The following ACVR2A variants were observed in gnomAD, a reference collection of about 807,000 sequenced individuals.
The protein encoded by ACVR2A is activin receptor type-2A.
A neutral mutation model predicts 61.4 loss-of-function variants in ACVR2A; 7 were observed. That is an observed-to-expected ratio of 0.11 (90% CI 0.06 to 0.21). The LOEUF (loss-of-function observed/expected upper bound fraction) is 0.21. Among genes scored for constraint, ACVR2A ranks in the 10% least tolerant of loss-of-function variants. The pLI, the probability that ACVR2A is intolerant of heterozygous loss-of-function variation, is 1.00. For synonymous variants in ACVR2A, 193 were observed against 208.3 expected (o/e 0.93, Z 0.63); for missense variants, 322 against 621.7 (o/e 0.52, Z 5.13).
intron 9 of ACVR2A, 35 bp downstream of exon 9, chr2:147,923,146 A>G (rs1473982317): frequency 1.9e-6 from 3 of 1,588,412 alleles, no homozygotes; most frequent in African/African-American, 2.7e-5. Context: ...AAAGATATAT[A>G]TGCCTACCAC....
At chr2:147,880,390 T>G (rs1686272174) in intron 1 of ACVR2A, among the ~76,000 whole-genome samples, 1 of 152,142 alleles carries the variant, frequency 6.6e-6, no homozygotes, top group South Asian at 2.1e-4. Context: ...TTTTTATATT[T>G]CTTTATTAAT....
At chr2:147,885,680 A>C (rs1318883649) in intron 1 of ACVR2A, among the ~76,000 whole-genome samples, 2 of 152,162 alleles carry the variant, frequency 1.3e-5, no homozygotes, top group Admixed American at 1.3e-4. Context: ...AATGGAAGTA[A>C]AGATTATTCA....
chr2:147,904,830 C>T (rs1686949444), intron 4 of ACVR2A, among the ~76,000 whole-genome samples: 1 of 152,022 alleles, frequency 6.6e-6, no homozygotes, highest in African/African-American at 2.4e-5. Context: ...GAAGAGTATA[C>T]TGCTTCCTTA....
At position 147,926,080 on chromosome 2, in the gene ACVR2A, T is replaced by C. The variant is rs1475004338; in HGVS notation, c.1266T>C (p.His422=). Residue 422 remains histidine, a synonymous_variant, in exon 10 of 11, where the codon CAT becomes CAC. Coordinates refer to ENST00000241416, the MANE Select transcript of ACVR2A (RefSeq NM_001616.5). ...MLPFEEEIGQ[H]PSLEDMQEVV... is the part of the protein sequence containing the mutation. ...CATTTGAGGAGGAAATTGGCCAGCA[T>C]CCATCTCTTGAAGACATGCAGGAAG... is the stretch of plus-strand genomic sequence containing the variant. 2.9e-5 allele frequency: 46 copies of C among 1,612,002 alleles called. No individual in the cohort carries two copies. The highest frequency in any genetic ancestry group is 3.6e-5 in the Non-Finnish European group (43 of 1,178,720).
intron 1 of ACVR2A, among the ~76,000 whole-genome samples, chr2:147,893,225 A>C (rs185956759): frequency 1.3e-5 from 2 of 152,204 alleles, no homozygotes; most frequent in East Asian, 3.9e-4. Context: ...ATTTTGTTGT[A>C]GGTATCACTA....
chr2:147,899,729 C>A lies in ACVR2A; in HGVS notation c.374-15C>A. On this transcript the variant is annotated splice_polypyrimidine_tract_variant and intron_variant, in intron 3 of 10. Transcript: ENST00000241416. ...TAGACCAAATCTGAGTTATTTTTCC[C>A]CCCCTTTTCCACAGCCACTTCAAAT... The A allele has an allele frequency of 6.2e-7, 1 of 1,610,032 alleles. No individual in the cohort carries two copies. The highest frequency in any genetic ancestry group is 8.5e-7 in the Non-Finnish European group (1 of 1,178,030).
Position 147,899,776 on chromosome 2 carries a change from T to A in ACVR2A, c.406T>A (p.Tyr136Asn). The change falls in exon 4 of 11, where the codon TAT (tyrosine) becomes AAT (asparagine). Residue 136 changes from tyrosine (Y) to asparagine (N), a missense_variant. Transcript: ENST00000241416. ...TSNPVTPKPP[Y>N]YNILLYSLVP... is the part of the protein sequence containing the mutation. Reference sequence around the variant, plus strand: ...AAATCCAGTTACACCTAAGCCACCCTATTACAACATCCTGCTCTATTCCTT... The same window carrying A: ...AAATCCAGTTACACCTAAGCCACCCAATTACAACATCCTGCTCTATTCCTT... The A allele has an allele frequency of 6.2e-7, 1 of 1,613,712 alleles. No individual in the cohort carries two copies. The highest frequency in any genetic ancestry group is 1.1e-5 in the South Asian group (1 of 91,042).
intron 1 of ACVR2A, among the ~76,000 whole-genome samples, chr2:147,875,906 A>G (rs1410868306): frequency 6.6e-6 from 1 of 152,124 alleles, no homozygotes; most frequent in Non-Finnish European, 1.5e-5. Flanking sequence ...CTCAAAGTTT[A>G]TACTTCTCAG....
chr2:147,899,371 T>C (rs1384507733), intron 2 of ACVR2A, 87 bp from the exon 3 acceptor site: 1 of 857,982 alleles, frequency 1.2e-6, no homozygotes, highest in East Asian at 3.0e-5. Context: ...ATGACTAATT[T>C]ATTATTTTAT....
intron 4 of ACVR2A, among the ~76,000 whole-genome samples, chr2:147,911,356 C>G (rs1474746390): frequency 1.3e-5 from 2 of 152,102 alleles, no homozygotes; most frequent in African/African-American, 4.8e-5. Context: ...TTACTTTCCT[C>G]TGTTTGTAAG....
chr2:147,921,097 G>A (rs1249836119), intron 8 of ACVR2A, among the ~76,000 whole-genome samples: 1 of 152,082 alleles, frequency 6.6e-6, no homozygotes, highest in Admixed American at 6.6e-5. Flanking sequence ...GCAGTGGCAT[G>A]ATCTTGGCTC....
At chr2:147,906,571 C>T (rs886252693) in intron 4 of ACVR2A, among the ~76,000 whole-genome samples, 1 of 152,108 alleles carries the variant, frequency 6.6e-6, no homozygotes, top group Non-Finnish European at 1.5e-5. Context: ...ATGTGGGTGC[C>T]TAGCTAATGC....
intron 1 of ACVR2A, among the ~76,000 whole-genome samples, chr2:147,861,961 GT>G (rs1006115964): frequency 6.6e-6 from 1 of 151,318 alleles, no homozygotes; most frequent in Non-Finnish European, 1.5e-5. Flanking sequence ...ATTTGAGCCT[GT>G]TTGAACTAGG....
At chr2:147,916,517 A>G (rs1573708009) in intron 5 of ACVR2A, among the ~76,000 whole-genome samples, 1 of 151,898 alleles carries the variant, frequency 6.6e-6, no homozygotes, top group African/African-American at 2.4e-5. Context: ...TAAGACAGAC[A>G]CTACAATGCC....
rs114219887 is a variant in ACVR2A, at chr2:147,866,344, C to T, written c.55+21137C>T. Among the ~76,000 whole-genome samples the T allele has an allele frequency of 3.7e-3, 566 of 152,176 alleles. 2 individuals are homozygous for T. Among genetic ancestry groups the T allele is most frequent in the East Asian group, 8.3e-3 (43 of 5,176 alleles). Reference sequence around the variant, plus strand: ...CTCCAGCTTTAATATGCATAGGAACCGCATGGAGATATTGTTAAAATGTAG... The same window carrying T: ...CTCCAGCTTTAATATGCATAGGAACTGCATGGAGATATTGTTAAAATGTAG... On this transcript the variant is annotated intron_variant, in intron 1 of 10. Coordinates refer to ENST00000241416, the MANE Select transcript of ACVR2A (RefSeq NM_001616.5).
intron 4 of ACVR2A, among the ~76,000 whole-genome samples, chr2:147,909,987 T>C (rs536897752): frequency 3.9e-5 from 6 of 152,326 alleles, no homozygotes; most frequent in African/African-American, 1.4e-4. Context: ...ATGTAGTTTA[T>C]ACATTGAGGA....
chr2:147,857,590 A>G (rs1459089269), intron 1 of ACVR2A, among the ~76,000 whole-genome samples: 4 of 151,860 alleles, frequency 2.6e-5, no homozygotes, highest in Non-Finnish European at 5.9e-5. Flanking sequence ...TTCAGATTCA[A>G]TGAAAGTAAT....
At chr2:147,854,674 T>C (rs929186681) in intron 1 of ACVR2A, among the ~76,000 whole-genome samples, 2 of 152,336 alleles carry the variant, frequency 1.3e-5, no homozygotes, top group East Asian at 1.9e-4. Context: ...AACTACATGC[T>C]AGACACTATG....
At position 147,899,914 on chromosome 2, in the gene ACVR2A, G is replaced by T. The variant is rs202062046; in HGVS notation, c.528+16G>T. ...TCCAACTCAAGTAAGTTATTGTCCT[G>T]TACTTTGTAGTGTTTTAAATTGTAT... On this transcript the variant is annotated intron_variant, in intron 4 of 10. Coordinates refer to ENST00000241416, the MANE Select transcript of ACVR2A (RefSeq NM_001616.5). 9.9e-6 allele frequency: 16 copies of T among 1,610,416 alleles called. No homozygotes were observed. The South Asian group carries it at 1.4e-4, about 14-fold the overall frequency.
Sources: allele counts gnomAD v4.1 joint callset (sites outside exome capture counted in the v4.1 genomes callset), GRCh38; gene constraint gnomAD v4.1.1; transcripts MANE v1.5; gene names NCBI Gene and HGNC (gene_info 2026-07-23, HGNC 2026-07-21).